The following PCSK2 variants were observed in gnomAD, a reference collection of about 807,000 sequenced individuals.
The protein encoded by PCSK2 is neuroendocrine convertase 2.
In PCSK2, 14 loss-of-function variants were observed where a neutral mutation model predicts 69.7. The ratio of observed to expected loss-of-function variants is 0.20; its 90% CI spans 0.13 to 0.31. The LOEUF (loss-of-function observed/expected upper bound fraction) is 0.31. PCSK2 is among the 10% of genes least tolerant of loss of function. The pLI, the probability that PCSK2 is intolerant of heterozygous loss-of-function variation, is 1.00. For missense variants in PCSK2, 544 were observed against 842.5 expected, an observed-to-expected ratio of 0.65 and a Z score of 4.39; for synonymous variants, 307 against 320.7, an observed-to-expected ratio of 0.96 and a Z score of 0.46.
intron 8 of PCSK2, among the ~76,000 whole-genome samples, chr20:17,440,933 C>T (rs112836061): frequency 5.3e-5 from 8 of 151,942 alleles, no homozygotes; most frequent in African/African-American, 1.9e-4. Flanking sequence ...CCTCATAGTG[C>T]CTGGGACCAG....
At chr20:17,330,602 G>A (rs1223764293) in intron 2 of PCSK2, among the ~76,000 whole-genome samples, 1 of 151,972 alleles carries the variant, frequency 6.6e-6, no homozygotes, top group Admixed American at 6.6e-5. Flanking sequence ...GGGCGACAGA[G>A]TGAGACTTCA....
chr20:17,375,423 A>T (rs977027478), intron 5 of PCSK2, among the ~76,000 whole-genome samples: 5 of 152,082 alleles, frequency 3.3e-5, no homozygotes, highest in Admixed American at 3.3e-4. Context: ...CAGGGAGAAG[A>T]CCCATTGCTC....
At chr20:17,335,201 T>G (rs1158139582) in intron 2 of PCSK2, among the ~76,000 whole-genome samples, 1 of 112,212 alleles carries the variant, frequency 8.9e-6, no homozygotes, top group Non-Finnish European at 2.0e-5. Flanking sequence ...ATTGGGGGGG[T>G]TGTCTGAAGA....
chr20:17,287,693 G>A (rs1430346604), intron 2 of PCSK2, among the ~76,000 whole-genome samples: 1 of 152,188 alleles, frequency 6.6e-6, no homozygotes, highest in African/African-American at 2.4e-5. Context: ...GCAACCACAG[G>A]TGGCGCTGTC....
chr20:17,373,219 G>C (rs2030826149), intron 5 of PCSK2, among the ~76,000 whole-genome samples: 1 of 152,342 alleles, frequency 6.6e-6, no homozygotes, highest in South Asian at 2.1e-4. Flanking sequence ...AGGAAAGGTA[G>C]CTTGTAAACG....
intron 2 of PCSK2, among the ~76,000 whole-genome samples, 156 bp downstream of exon 2, chr20:17,260,500 T>G (rs1048232315): frequency 6.6e-6 from 1 of 152,230 alleles, no homozygotes; most frequent in Non-Finnish European, 1.5e-5. Context: ...TCAGGGACTC[T>G]CTGCTCCTTT....
intron 2 of PCSK2, among the ~76,000 whole-genome samples, chr20:17,337,045 C>G (rs565794358): frequency 3.2e-4 from 49 of 151,888 alleles, no homozygotes; most frequent in Middle Eastern, 3.4e-3. Context: ...CTATTGACAC[C>G]CAAGGAAACT....
In PCSK2 at chr20:17,363,152, G is replaced by A. The variant is rs577563293; in HGVS notation, c.505+2512G>A. On this transcript the variant is annotated intron_variant, in intron 4 of 11. Coordinates refer to ENST00000262545, the MANE Select transcript of PCSK2 (RefSeq NM_002594.5). The stretch of plus-strand genomic sequence containing the variant: ...TATCAACATTGTCTCTCCACATGTT[G>A]GCCTGTGTGGCAAATGTTCAATCAT... 2.0e-5 allele frequency among the ~76,000 whole-genome samples: 3 copies of A among 152,314 alleles called. No homozygotes were observed. In the East Asian group the frequency reaches 5.8e-4, roughly 29 times the overall value.
intron 6 of PCSK2, among the ~76,000 whole-genome samples, chr20:17,426,591 G>A (rs2032253630): frequency 6.6e-6 from 1 of 152,216 alleles, no homozygotes; most frequent in Non-Finnish European, 1.5e-5. Flanking sequence ...CCTAAGTCTG[G>A]AGACTGGCAA....
At chr20:17,340,679 T>G (rs1228434477) in intron 2 of PCSK2, among the ~76,000 whole-genome samples, 3 of 152,240 alleles carry the variant, frequency 2.0e-5, no homozygotes, top group Non-Finnish European at 4.4e-5. Context: ...ACCAAGGAAT[T>G]TCTTCTGGTT....
intron 2 of PCSK2, among the ~76,000 whole-genome samples, chr20:17,347,321 C>G (rs191282594): frequency 8.0e-4 from 122 of 152,302 alleles, no homozygotes; most frequent in Admixed American, 1.9e-3. Context: ...TGGGCCAAGT[C>G]TTCCCTCCGC....
intron 2 of PCSK2, among the ~76,000 whole-genome samples, chr20:17,313,733 C>G (rs2123116321): frequency 6.6e-6 from 1 of 152,246 alleles, no homozygotes; most frequent in South Asian, 2.1e-4. Context: ...AGGTTTTTCT[C>G]TGCAAGTCAA....
intron 2 of PCSK2, among the ~76,000 whole-genome samples, chr20:17,343,011 A>G (rs1054175410): frequency 6.6e-6 from 1 of 152,120 alleles, no homozygotes; most frequent in African/African-American, 2.4e-5. Context: ...TCCTGACTTT[A>G]CAGATGAGAA....
intron 5 of PCSK2, among the ~76,000 whole-genome samples, chr20:17,372,104 A>C (rs2030782021): frequency 6.6e-6 from 1 of 152,204 alleles, no homozygotes; most frequent in South Asian, 2.1e-4. Context: ...CAGTCAAAGG[A>C]AGAACTGTCT....
intron 3 of PCSK2, among the ~76,000 whole-genome samples, chr20:17,359,924 G>A (rs531000376): frequency 1.3e-5 from 2 of 152,218 alleles, no homozygotes; most frequent in East Asian, 3.9e-4. Flanking sequence ...TATTTTTGGG[G>A]GCCAGGATGA....
At chr20:17,348,524 T>G (rs757956154) in intron 2 of PCSK2, among the ~76,000 whole-genome samples, 6 of 152,214 alleles carry the variant, frequency 3.9e-5, no homozygotes, top group Non-Finnish European at 5.9e-5. Context: ...CACAGTACGC[T>G]AGAGAAGTAC....
At chr20:17,477,945 T>C (rs1031578822) in intron 11 of PCSK2, among the ~76,000 whole-genome samples, 1 of 152,232 alleles carries the variant, frequency 6.6e-6, no homozygotes, top group African/African-American at 2.4e-5. Flanking sequence ...ACTTTTAATC[T>C]ATACTTTATT....
intron 2 of PCSK2, among the ~76,000 whole-genome samples, chr20:17,322,689 T>C (rs1283226931): frequency 6.6e-6 from 1 of 152,178 alleles, no homozygotes; most frequent in Non-Finnish European, 1.5e-5. Flanking sequence ...TGGCACCTTG[T>C]TGCTGCATCT....
At chr20:17,442,174 T>C (rs1483804856) in intron 8 of PCSK2, among the ~76,000 whole-genome samples, 1 of 151,668 alleles carries the variant, frequency 6.6e-6, no homozygotes, top group Non-Finnish European at 1.5e-5. Context: ...AGGAATGGGA[T>C]AGATTCCTTC....
Sources: gnomAD v4.1 joint callset for allele counts (sites outside exome capture counted in the v4.1 genomes callset) on GRCh38, gnomAD v4.1.1 for gene constraint, MANE v1.5 for transcripts, NCBI Gene and HGNC (gene_info 2026-07-23, HGNC 2026-07-21) for gene names.